Variants in PRAMEF20 observed in about 807,000 individuals in gnomAD.
The protein encoded by PRAMEF20 is PRAME family member 20/21.
A neutral mutation model predicts 32.4 loss-of-function variants in PRAMEF20; 27 were observed. The observed-to-expected ratio is 0.83, with a 90% CI of 0.61 to 1.15. PRAMEF20 has a LOEUF of 1.15. Among genes scored for constraint, PRAMEF20 ranks in the 50% most tolerant of loss-of-function variants. The pLI is 0.00. For synonymous variants in PRAMEF20, 256 were observed against 235.4 expected, an observed-to-expected ratio of 1.09 and a Z score of -0.80; for missense variants, 604 against 584.5, an observed-to-expected ratio of 1.03 and a Z score of -0.34.
intron 1 of PRAMEF20, among the ~76,000 whole-genome samples, chr1:13,417,570 T>A (rs1641190151): frequency 6.7e-6 from 1 of 149,780 alleles, no homozygotes; most frequent in African/African-American, 2.5e-5. Flanking sequence ...GCCACTGCAC[T>A]CCAGCCTGGG....
intron 1 of PRAMEF20, among the ~76,000 whole-genome samples, chr1:13,417,834 C>T (rs921841630): frequency 6.7e-6 from 1 of 149,242 alleles, no homozygotes; most frequent in East Asian, 2.1e-4. Flanking sequence ...CTCCGCCTCC[C>T]GGGTTCACAT....
chr1:13,417,897 A>T (rs1641196442), intron 1 of PRAMEF20, among the ~76,000 whole-genome samples: 1 of 100,098 alleles, frequency 1.0e-5, no homozygotes, highest in Non-Finnish European at 2.3e-5. Context: ...GCCCGCCACC[A>T]CGCCCGGCTA....
chr1:13,415,467 T>G (rs968769130), upstream of PRAMEF20, among the ~76,000 whole-genome samples: 1 of 152,152 alleles, frequency 6.6e-6, no homozygotes, highest in Non-Finnish European at 1.5e-5. Flanking sequence ...TCACATAGCT[T>G]TCAAAGTTTC....
intron 1 of PRAMEF20, among the ~76,000 whole-genome samples, chr1:13,417,581 C>G (rs937325319): frequency 6.7e-6 from 1 of 148,742 alleles, no homozygotes; most frequent in African/African-American, 2.5e-5. Context: ...CCAGCCTGGG[C>G]GACAGAGGGA....
chr1:13,416,474 C>A, exon 1 of PRAMEF20: 1 of 1,614,110 alleles, frequency 6.2e-7, no homozygotes, highest in Non-Finnish European at 8.5e-7. Flanking sequence ...CCCCATTGTT[C>A]ATGGAGGCCT....
chr1:13,417,952 GT>G (rs1422750054), intron 1 of PRAMEF20, among the ~76,000 whole-genome samples, 169 bp from the exon 3 acceptor site: 2 of 142,024 alleles, frequency 1.4e-5, no homozygotes, highest in East Asian at 4.4e-4. Flanking sequence ...GTGTGTGTGT[GT>G]TTAGTAGAGA....
upstream of PRAMEF20, among the ~76,000 whole-genome samples, chr1:13,413,162 G>T (rs1826300): frequency 0.67 from 101,567 of 151,548 alleles, 34,276 homozygotes; most frequent in South Asian, 0.77. Flanking sequence ...CTCAGGACTA[G>T]GAAGGACATA....
chr1:13,411,994 T>G (rs1641118808), upstream of PRAMEF20, among the ~76,000 whole-genome samples: 1 of 152,088 alleles, frequency 6.6e-6, no homozygotes. Flanking sequence ...CTTAGTGGCT[T>G]TTAATTGGTC....
chr1:13,421,068 C>A (rs1264046799), exon 3 of PRAMEF20: 1 of 1,613,814 alleles, frequency 6.2e-7, no homozygotes, highest in African/African-American at 1.3e-5. Flanking sequence ...GAGCTGTATC[C>A]TGCCCCGCGG....
At chr1:13,418,417 A>G (rs1569868001) in exon 2 of PRAMEF20, 1 of 1,613,940 alleles carries the variant, frequency 6.2e-7, no homozygotes, top group Non-Finnish European at 8.5e-7. Context: ...CTTCCACAAT[A>G]TCAGAAACAT....
exon 3 of PRAMEF20, chr1:13,421,325 T>C: frequency 6.2e-7 from 1 of 1,606,878 alleles, no homozygotes; most frequent in South Asian, 1.1e-5. Flanking sequence ...AAAACCTAGG[T>C]CTTTTTGCGC....
chr1:13,413,798 A>G (rs1641135566), upstream of PRAMEF20, among the ~76,000 whole-genome samples: 1 of 152,098 alleles, frequency 6.6e-6, no homozygotes, highest in East Asian at 1.9e-4. Flanking sequence ...CTGAACACTG[A>G]GTCCAGATCT....
Position 13,416,483 on chromosome 1 carries a change from C to G in PRAMEF20, c.129C>G (p.Ala43=), listed in dbSNP as rs1641174422. ...TTTTTCCCCCATTGTTCATGGAGGC[C>G]TTCAGCAGGAGACACTGTGAGGCCC... is the stretch of plus-strand genomic sequence containing the variant. The change falls in exon 1 of 3, where the codon GCC becomes GCG. Residue 43 remains alanine (A), a synonymous_variant. Transcript: ENST00000602960. The G allele has an allele frequency of 4.3e-6, 7 of 1,614,128 alleles. No individual in the cohort carries two copies. The South Asian group carries it at 6.6e-5, about 15-fold the overall frequency.
chr1:13,417,188 T>A (rs1641185371), intron 1 of PRAMEF20, among the ~76,000 whole-genome samples: 1 of 152,046 alleles, frequency 6.6e-6, no homozygotes, highest in Non-Finnish European at 1.5e-5. Flanking sequence ...TTGCCGCTGC[T>A]GACTGGGGTG....
upstream of PRAMEF20, among the ~76,000 whole-genome samples, chr1:13,412,017 CTTTAA>C (rs1228734883): frequency 6.6e-5 from 10 of 150,848 alleles, no homozygotes; most frequent in East Asian, 9.7e-4. Context: ...TCTGTGCTGC[CTTTAA>C]TTTAATTTAT....
chr1:13,418,849 A>T, intron 2 of PRAMEF20, 149 bp downstream of exon 3: 1 of 1,437,442 alleles, frequency 7.0e-7, no homozygotes. Flanking sequence ...TGGGTATCAC[A>T]CATTCATCCC....
At chr1:13,412,036 A>T (rs1016262552), upstream of PRAMEF20, among the ~76,000 whole-genome samples, 7 of 79,842 alleles carry the variant, frequency 8.8e-5, no homozygotes, top group African/African-American at 3.8e-4. Context: ...AATTTATTTT[A>T]TTTATTTATT....
chr1:13,418,687 G>C (rs1054686412), exon 2 of PRAMEF20: 1 of 1,613,530 alleles, frequency 6.2e-7, no homozygotes, highest in South Asian at 1.1e-5. Context: ...AGGCCACCTG[G>C]ACCAGATGCT....
chr1:13,416,544 C>A (rs748835054), exon 1 of PRAMEF20: 1 of 1,614,078 alleles, frequency 6.2e-7, no homozygotes, highest in East Asian at 2.2e-5. Flanking sequence ...TTTCCTCCGC[C>A]TTCCTCTGGG....
Sources: allele counts gnomAD v4.1 joint callset (sites outside exome capture counted in the v4.1 genomes callset), GRCh38; gene constraint gnomAD v4.1.1; transcripts MANE v1.5; gene names NCBI Gene and HGNC (gene_info 2026-07-23, HGNC 2026-07-21).